The following PCDH15 variants were observed in gnomAD, a reference collection of about 807,000 sequenced individuals.
The protein encoded by PCDH15 is protocadherin-15.
In PCDH15, 129 loss-of-function variants were observed where a neutral mutation model predicts 178.5. That is an observed-to-expected ratio of 0.72 (90% confidence interval 0.63 to 0.84). The LOEUF is 0.84. Ranked by LOEUF, PCDH15 falls within the 40% of genes least tolerant of loss-of-function variation. The pLI is 0.00. For synonymous variants in PCDH15, 800 were observed against 732.0 expected, an observed-to-expected ratio of 1.09 and a Z score of -1.50; for missense variants, 2,230 against 2,099.9, an observed-to-expected ratio of 1.06 and a Z score of -1.21.
intron 1 of PCDH15, among the ~76,000 whole-genome samples, chr10:55,172,264 A>G (rs1839356166): frequency 6.6e-6 from 1 of 151,976 alleles, no homozygotes; most frequent in Non-Finnish European, 1.5e-5. Context: ...CACTATAATT[A>G]TTTATTGGCA....
intron 2 of PCDH15, among the ~76,000 whole-genome samples, chr10:55,077,837 G>A (rs1288294649): frequency 3.9e-5 from 6 of 152,218 alleles, no homozygotes; most frequent in Non-Finnish European, 8.8e-5. Flanking sequence ...GTGAGCCACC[G>A]TGCCCGGCCA....
intron 1 of PCDH15, among the ~76,000 whole-genome samples, chr10:55,207,542 AG>A (rs1840435222): frequency 6.6e-6 from 1 of 152,176 alleles, no homozygotes; most frequent in South Asian, 2.1e-4. Context: ...TTGACTACCA[AG>A]TTCTCTTTCA....
rs1229531343 is a variant in PCDH15, at chr10:53,805,328, ATAT to A, written c.*1248_*1250del. ...ATAGAATTCTGAATTCTCTTAATCT[ATAT>A]TGTTTCATTCTTTTTACATCATCTG... is the stretch of plus-strand genomic sequence containing the variant. On this transcript the variant is annotated 3_prime_UTR_variant, in exon 38 of 38. Transcript: ENST00000644397. 6.6e-6 allele frequency: 1 copy of A among 152,166 alleles called. No homozygotes were observed. The highest frequency in any genetic ancestry group is 1.9e-4 in the East Asian group (1 of 5,172). 9.4% of individuals were successfully genotyped at this position (152,166 alleles called of 1,614,324 possible). A position where few individuals can be genotyped will look rare whatever the true frequency, so the allele number is the denominator to read the frequency against.
At chr10:54,790,696 C>A (rs1243647891) in intron 1 of PCDH15, among the ~76,000 whole-genome samples, 1 of 151,828 alleles carries the variant, frequency 6.6e-6, no homozygotes, top group Non-Finnish European at 1.5e-5. Flanking sequence ...TGAACAATTA[C>A]ACGTGAAGAT....
intron 1 of PCDH15, among the ~76,000 whole-genome samples, chr10:54,700,581 A>G (rs898514670): frequency 3.9e-5 from 6 of 152,172 alleles, no homozygotes; most frequent in Non-Finnish European, 7.4e-5. Context: ...AATTGCAAGT[A>G]TCAACGCAAA....
chr10:55,023,378 A>G (rs1372501946), intron 2 of PCDH15, among the ~76,000 whole-genome samples: 1 of 152,238 alleles, frequency 6.6e-6, no homozygotes, highest in Non-Finnish European at 1.5e-5. Flanking sequence ...GGCAATTTAG[A>G]ACGTTGTCGG....
At chr10:54,840,481 A>G (rs1199895051) in intron 3 of PCDH15, among the ~76,000 whole-genome samples, 1 of 151,928 alleles carries the variant, frequency 6.6e-6, no homozygotes, top group Admixed American at 6.6e-5. Flanking sequence ...AAAAGAAAGT[A>G]GTGGAGAAAA....
chr10:54,984,927 TTTGA>T (rs2131909035), intron 2 of PCDH15, among the ~76,000 whole-genome samples: 1 of 152,302 alleles, frequency 6.6e-6, no homozygotes, highest in Admixed American at 6.5e-5. Flanking sequence ...CACATGAAAC[TTTGA>T]TTAAGTAATT....
intron 1 of PCDH15, among the ~76,000 whole-genome samples, chr10:55,233,371 G>A (rs1050433645): frequency 1.3e-5 from 2 of 152,056 alleles, no homozygotes; most frequent in East Asian, 3.9e-4. Context: ...ACAATAATTA[G>A]ATGCTTTACT....
intron 1 of PCDH15, among the ~76,000 whole-genome samples, chr10:54,767,530 A>G (rs1157704807): frequency 1.3e-5 from 2 of 152,098 alleles, no homozygotes; most frequent in Non-Finnish European, 2.9e-5. Context: ...CTTTCCTAAG[A>G]GTACAGTATG....
intron 2 of PCDH15, among the ~76,000 whole-genome samples, chr10:54,922,889 G>A (rs1304889987): frequency 1.3e-5 from 2 of 152,068 alleles, no homozygotes; most frequent in Non-Finnish European, 2.9e-5. Context: ...TAGGACAGTG[G>A]GACACTTCTC....
chr10:54,148,494 T>C (rs12245655), intron 14 of PCDH15, among the ~76,000 whole-genome samples: 2,347 of 152,206 alleles, frequency 0.015, 75 homozygotes, highest in African/African-American at 0.054. Context: ...AAAAAAAGTC[T>C]GCGCATGTTC....
At chr10:54,771,930 G>T (rs1949141283) in intron 1 of PCDH15, among the ~76,000 whole-genome samples, 1 of 152,066 alleles carries the variant, frequency 6.6e-6, no homozygotes, top group South Asian at 2.1e-4. Context: ...CTACCTTATT[G>T]TACCACATTG....
In PCDH15 at chr10:54,684,772, C is replaced by T. The variant is rs144493065; in HGVS notation, c.-28-20482G>A. Among the ~76,000 whole-genome samples, 556 of 150,850 alleles carry T rather than the reference C, an allele frequency of 3.7e-3. 6 individuals carry two copies. The highest frequency in any genetic ancestry group is 0.013 in the African/African-American group (535 of 41,292). On this transcript the variant is annotated intron_variant, in intron 1 of 37. Coordinates refer to ENST00000644397, the MANE Select transcript of PCDH15 (RefSeq NM_001384140.1). The stretch of plus-strand genomic sequence containing the variant: ...ATCTAACAGCAACAATCATTTCCAG[C>T]GTTACTCCAGGTCAAATCATTTGAT...
At chr10:55,591,683 G>A (rs1281253615) in intron 2 of PCDH15, among the ~76,000 whole-genome samples, 1 of 152,084 alleles carries the variant, frequency 6.6e-6, no homozygotes, top group Non-Finnish European at 1.5e-5. Flanking sequence ...AGGAGGAATA[G>A]GCAGGAAAAC....
chr10:55,349,944 A>C (rs1844867107), intron 2 of PCDH15, among the ~76,000 whole-genome samples: 1 of 151,812 alleles, frequency 6.6e-6, no homozygotes, highest in East Asian at 1.9e-4. Context: ...TCCTTTCTAC[A>C]CTTGGTATAA....
chr10:54,373,242 A>T (rs978988299), intron 4 of PCDH15, among the ~76,000 whole-genome samples: 3 of 150,998 alleles, frequency 2.0e-5, no homozygotes, highest in Non-Finnish European at 4.4e-5. Context: ...TTTATTTTTC[A>T]TAAAGTATAG....
chr10:55,259,330 ATAGAC>A (rs372393749), intron 1 of PCDH15, among the ~76,000 whole-genome samples: 8 of 152,352 alleles, frequency 5.3e-5, no homozygotes, highest in African/African-American at 1.9e-4. Context: ...TAAAAAAATT[ATAGAC>A]TGATCCCCAG....
chr10:54,783,245 T>A (rs756888599), intron 1 of PCDH15, among the ~76,000 whole-genome samples: 1 of 152,028 alleles, frequency 6.6e-6, no homozygotes, highest in Non-Finnish European at 1.5e-5. Context: ...TAATTTATGA[T>A]CTGAATGAGA....
Sources: allele counts gnomAD v4.1 joint callset (sites outside exome capture counted in the v4.1 genomes callset), GRCh38; gene constraint gnomAD v4.1.1; transcripts MANE v1.5; gene names NCBI Gene and HGNC (gene_info 2026-07-23, HGNC 2026-07-21).